SLC7A5: variants seen among roughly 807,000 people sequenced by gnomAD.
The protein encoded by SLC7A5 is large neutral amino acids transporter small subunit 1.
A neutral mutation model predicts 50.2 loss-of-function variants in SLC7A5; 23 were observed. The ratio of observed to expected loss-of-function variants is 0.46; its 90% CI spans 0.33 to 0.65. The LOEUF (loss-of-function observed/expected upper bound fraction) is 0.65. Among genes scored for constraint, SLC7A5 ranks in the 30% least tolerant of loss-of-function variants. The pLI is 0.02. For synonymous variants in SLC7A5, 393 were observed against 330.6 expected, an observed-to-expected ratio of 1.19 and a Z score of -2.05; for missense variants, 578 against 684.4, an observed-to-expected ratio of 0.84 and a Z score of 1.73.
At position 87,868,945 on chromosome 16, in the gene SLC7A5, G is replaced by A. The variant is rs1330354850; in HGVS notation, c.478C>T (p.Leu160Phe). 1.9e-6 allele frequency: 3 copies of A among 1,610,014 alleles called. No homozygotes were observed. Among genetic ancestry groups the A allele is most frequent in the Middle Eastern group, 2.2e-4 (1 of 4,564 alleles). The change falls in exon 1 of 10, where the codon CTC (leucine) becomes TTC (phenylalanine). Residue 160 changes from leucine to phenylalanine, a missense_variant. Physicochemically the swap from Leu to Phe is conservative, Grantham distance 22 (BLOSUM62 0). Around this residue, in one of 2 missense-constraint regions of SLC7A5, gnomAD observed 465 missense variants for 594.6 expected, o/e 0.78. Coordinates refer to ENST00000261622, the MANE Select transcript of SLC7A5 (RefSeq NM_003486.7). ...LVFATYLLKPLFPTCPVPEEA... is the reference protein window; with the variant it reads ...LVFATYLLKPFFPTCPVPEEA... Reference sequence around the variant, plus strand: ...TCGGGCACCGGGCAGGTGGGGAAGAGCGGCTTGAGCAGGTAGGTGGCGAAG... The same window carrying A: ...TCGGGCACCGGGCAGGTGGGGAAGAACGGCTTGAGCAGGTAGGTGGCGAAG...
rs1326861112 is a variant in SLC7A5 at position 87,862,934 on chromosome 16, C to T, written c.538+5951G>A. Among the ~76,000 whole-genome samples, 4 of 152,194 alleles carry T rather than the reference C, an allele frequency of 2.6e-5. No homozygotes were observed. Among genetic ancestry groups the T allele is most frequent in the South Asian group, 2.1e-4 (1 of 4,828 alleles). On this transcript the variant is annotated intron_variant, in intron 1 of 9. Transcript: ENST00000261622. This position sits in a 1 kb window ranked among gnomAD's most constrained non-coding sequence, Gnocchi z 5.3. ...CACCTCACTCCAGGGACCCTGGCAC[C>T]GTCTCCCATGAGGCCAGGTGTCCTC...
chr16:87,849,588 C>T lies in SLC7A5; in HGVS notation c.664+2136G>A, dbSNP rs1347828087. Among the ~76,000 whole-genome samples, 9 of 152,204 alleles carry T rather than the reference C, an allele frequency of 5.9e-5. No individual in the cohort carries two copies. The East Asian group carries it at 1.3e-3, about 23-fold the overall frequency. ...AAAGGCCTTCACGAGCAAAGCACCC[C>T]TTCCGTGCCCACTTCTGGGAGGCAC... On this transcript the variant is annotated intron_variant, in intron 2 of 9. Transcript: ENST00000261622.
chr16:87,851,836 G>C lies in SLC7A5; in HGVS notation c.552C>G (p.Ala184=), dbSNP rs549051612. ...CGGCCTTCACGCTGTAGCAGTTCACGGCCGTGAGCAGCACTGTGGAGACAG... is the reference window on the plus strand; with the variant it reads ...CGGCCTTCACGCTGTAGCAGTTCACCGCCGTGAGCAGCACTGTGGAGACAG... The part of the protein sequence containing the change: ...VACLCVLLLT[A]VNCYSVKAAT... Residue 184 remains alanine (A), a synonymous_variant, in exon 2 of 10, where the codon GCC becomes GCG. Transcript: ENST00000261622. 243 of 1,612,910 alleles carry C rather than the reference G, an allele frequency of 1.5e-4. No homozygotes were observed. The highest frequency in any genetic ancestry group is 2.0e-4 in the Non-Finnish European group (233 of 1,179,980).
intron 5 of SLC7A5, 152 bp from the exon 6 acceptor site, chr16:87,838,969 G>T: frequency 1.4e-6 from 1 of 700,562 alleles, no homozygotes; most frequent in Non-Finnish European, 2.6e-6. Flanking sequence ...TCTGGCCTCT[G>T]GGGGGACTTC....
At chr16:87,842,369 C>T (rs147101829) in intron 2 of SLC7A5, among the ~76,000 whole-genome samples, 1 of 152,356 alleles carries the variant, frequency 6.6e-6, no homozygotes, top group African/African-American at 2.4e-5. Context: ...GAAGGGGAAC[C>T]ACCTTGGTGG....
At position 87,832,958 on chromosome 16, in the gene SLC7A5, T is replaced by A; in HGVS notation, c.*12A>T. 1 of 1,611,188 alleles carries A rather than the reference T, an allele frequency of 6.2e-7. No individual in the cohort carries two copies. Among genetic ancestry groups the A allele is most frequent in the Non-Finnish European group, 8.5e-7 (1 of 1,177,508 alleles). ...CTGCGCATGCTCCTCCGGCAGCCACTCGGCCTCCTGGCTATGTCTCCTGGG... is the reference window on the plus strand; with the variant it reads ...CTGCGCATGCTCCTCCGGCAGCCACACGGCCTCCTGGCTATGTCTCCTGGG... On this transcript the variant is annotated 3_prime_UTR_variant, in exon 10 of 10. Coordinates refer to ENST00000261622, the MANE Select transcript of SLC7A5 (RefSeq NM_003486.7). The surrounding 1 kb of genome is among the most constrained non-coding windows in gnomAD (Gnocchi z 4.6).
chr16:87,856,797 G>GC (rs1253195752), intron 1 of SLC7A5, among the ~76,000 whole-genome samples: 1 of 152,172 alleles, frequency 6.6e-6, no homozygotes, highest in Non-Finnish European at 1.5e-5. Context: ...CCGACAGACA[G>GC]CCCCCACCAT....
At position 87,832,791 on chromosome 16, in the gene SLC7A5, G is replaced by C. The variant is rs896308666; in HGVS notation, c.*179C>G. On this transcript the variant is annotated 3_prime_UTR_variant, in exon 10 of 10. Coordinates refer to ENST00000261622, the MANE Select transcript of SLC7A5 (RefSeq NM_003486.7). This position sits in a 1 kb window ranked among gnomAD's most constrained non-coding sequence, Gnocchi z 4.6. ...CCTGGGTCCCTGGCCCTCAGTTGAG[G>C]GATGAGATTCGTACCAGAGTTTTCA... The C allele has an allele frequency of 7.7e-6, 5 of 650,052 alleles. No individual in the cohort carries two copies. The African/African-American group carries it at 8.8e-5, about 11-fold the overall frequency. 40.3% of individuals were successfully genotyped at this position (650,052 alleles called of 1,614,324 possible). A position where few individuals can be genotyped will look rare whatever the true frequency, so the allele number is the denominator to read the frequency against.
rs2054932432 is a variant in SLC7A5 at position 87,831,304 on chromosome 16, TA to T, written c.*1665del. ...CGGGAAGCAACGGGGCAGGGGTGAATAAAGGTCTTCATTCCTCAAGCAAGAG... is the reference window on the plus strand; with the variant it reads ...CGGGAAGCAACGGGGCAGGGGTGAATAAGGTCTTCATTCCTCAAGCAAGAG... On this transcript the variant is annotated 3_prime_UTR_variant, in exon 10 of 10. Coordinates refer to ENST00000261622, the MANE Select transcript of SLC7A5 (RefSeq NM_003486.7). The T allele has an allele frequency of 6.6e-6, 1 of 152,188 alleles. No homozygotes were observed. Among genetic ancestry groups the T allele is most frequent in the Non-Finnish European group, 1.5e-5 (1 of 68,090 alleles). The allele number at this position is 152,188 out of a possible 1,614,324, so 9.4% of individuals were successfully genotyped here.
chr16:87,844,257 C>A (rs370673011), intron 2 of SLC7A5, among the ~76,000 whole-genome samples: 1 of 152,222 alleles, frequency 6.6e-6, no homozygotes, highest in Non-Finnish European at 1.5e-5. Flanking sequence ...AGCCAAACCC[C>A]GGGTGGGGGG....
Position 87,868,930 on chromosome 16 carries a change from G to A in SLC7A5, c.493C>T (p.Pro165Ser). ...AGCTTGGCTGCCTCCTCGGGCACCGGGCAGGTGGGGAAGAGCGGCTTGAGC... is the reference window on the plus strand; with the variant it reads ...AGCTTGGCTGCCTCCTCGGGCACCGAGCAGGTGGGGAAGAGCGGCTTGAGC... ...YLLKPLFPTCPVPEEAAKLVA... is the reference protein window; with the variant it reads ...YLLKPLFPTCSVPEEAAKLVA... Residue 165 changes from proline to serine, a missense_variant, in exon 1 of 10, where the codon CCG becomes TCG. Physicochemically the swap from Pro to Ser is moderately conservative, Grantham distance 74 (BLOSUM62 -1). Coordinates refer to ENST00000261622, the MANE Select transcript of SLC7A5 (RefSeq NM_003486.7). 1 of 1,610,412 alleles carries A rather than the reference G, an allele frequency of 6.2e-7. No individual in the cohort carries two copies. The highest frequency in any genetic ancestry group is 8.5e-7 in the Non-Finnish European group (1 of 1,179,392).
At chr16:87,839,586 G>A (rs1315007498) in intron 5 of SLC7A5, 116 bp downstream of exon 5, 8 of 1,496,420 alleles carry the variant, frequency 5.3e-6, no homozygotes, top group East Asian at 2.3e-5. Flanking sequence ...TTAGAGACGC[G>A]GGGCCCCCTC....
At chr16:87,859,487 C>T (rs540721259) in intron 1 of SLC7A5, among the ~76,000 whole-genome samples, 1 of 152,320 alleles carries the variant, frequency 6.6e-6, no homozygotes, top group South Asian at 2.1e-4. Flanking sequence ...AAATTCTAAG[C>T]CCCGTAACTG....
At position 87,837,898 on chromosome 16, in the gene SLC7A5, G is replaced by A; in HGVS notation, c.1087C>T (p.Leu363Phe). Residue 363 changes from leucine (L) to phenylalanine (F), a missense_variant, in exon 7 of 10, where the codon CTC becomes TTC. Coordinates refer to ENST00000261622, the MANE Select transcript of SLC7A5 (RefSeq NM_003486.7). ...GSREGHLPSI[L>F]SMIHPQLLTP... is the part of the protein sequence containing the mutation. ...AGGAGCTGTGGGTGGATCATGGAGA[G>A]GATGGAGGGCAGGTGGCCTTCCCGG... The A allele has an allele frequency of 1.2e-6, 2 of 1,608,720 alleles. No individual in the cohort carries two copies. The highest frequency in any genetic ancestry group is 1.7e-6 in the Non-Finnish European group (2 of 1,178,530).
Position 87,861,705 on chromosome 16 carries a change from G to A in SLC7A5, c.538+7180C>T, listed in dbSNP as rs2055400474. On this transcript the variant is annotated intron_variant, in intron 1 of 9. Coordinates refer to ENST00000261622, the MANE Select transcript of SLC7A5 (RefSeq NM_003486.7). This position sits in a 1 kb window ranked among gnomAD's most constrained non-coding sequence, Gnocchi z 4.2. ...CCCACCCTTCTGTGTGAAGGCGGCT[G>A]ATACACATTTCTGGGCAAGATTCTG... 6.6e-6 allele frequency among the ~76,000 whole-genome samples: 1 copy of A among 152,206 alleles called. No homozygotes were observed. Among genetic ancestry groups the A allele is most frequent in the African/African-American group, 2.4e-5 (1 of 41,452 alleles).
At position 87,861,252 on chromosome 16, in the gene SLC7A5, G is replaced by C. The variant is rs568286749; in HGVS notation, c.538+7633C>G. Reference sequence around the variant, plus strand: ...GGTACCTGGATGTGAGTCTGGGAAGGATGGAGAAGGGTGGAGGAGCGCAAA... The same window carrying C: ...GGTACCTGGATGTGAGTCTGGGAAGCATGGAGAAGGGTGGAGGAGCGCAAA... On this transcript the variant is annotated intron_variant, in intron 1 of 9. Transcript: ENST00000261622. This position sits in a 1 kb window ranked among gnomAD's most constrained non-coding sequence, Gnocchi z 4.2. Among the ~76,000 whole-genome samples, 4 of 152,166 alleles carry C rather than the reference G, an allele frequency of 2.6e-5. No individual in the cohort carries two copies. The highest frequency in any genetic ancestry group is 2.6e-4 in the Admixed American group (4 of 15,284).
At chr16:87,835,710 G>A (rs924187048) in intron 8 of SLC7A5, among the ~76,000 whole-genome samples, 259 of 152,192 alleles carry the variant, frequency 1.7e-3, no homozygotes, top group African/African-American at 5.3e-3. Flanking sequence ...TCCTGACTTT[G>A]TGATCTGCCC....
At chr16:87,866,883 C>T (rs1275666613) in intron 1 of SLC7A5, among the ~76,000 whole-genome samples, 1 of 152,098 alleles carries the variant, frequency 6.6e-6, no homozygotes, top group African/African-American at 2.4e-5. Context: ...TGAAGCATTT[C>T]CCACGACTCA....
intron 1 of SLC7A5, among the ~76,000 whole-genome samples, chr16:87,858,244 T>C (rs2055344983): frequency 6.6e-6 from 1 of 152,202 alleles, no homozygotes; most frequent in African/African-American, 2.4e-5. Flanking sequence ...TGCCTCCTGC[T>C]GCATGGGCGA....
Sources: gnomAD v4.1 joint callset for allele counts (sites outside exome capture counted in the v4.1 genomes callset) on GRCh38, gnomAD v4.1.1 for gene constraint, gnomAD v4.1.1 regional missense constraint, Gnocchi (gnomAD v3.1) non-coding constraint, MANE v1.5 for transcripts, NCBI Gene and HGNC (gene_info 2026-07-23, HGNC 2026-07-21) for gene names.